The following ADARB2 variants were observed in gnomAD, a reference collection of about 807,000 sequenced individuals.
ADARB2 encodes the protein adenosine deaminase RNA specific B2 (inactive).
In ADARB2, 25 loss-of-function variants were observed where a neutral mutation model predicts 62.2. The ratio of observed to expected loss-of-function variants is 0.40; its 90% confidence interval spans 0.29 to 0.56. ADARB2 has a LOEUF of 0.56. ADARB2 is among the 20% of genes least tolerant of loss of function. The pLI is 0.43. For synonymous variants in ADARB2, 572 were observed against 500.8 expected (o/e 1.14, Z -1.90); for missense variants, 1,071 against 1,077.4 (o/e 0.99, Z 0.08).
chr10:1,471,281 G>T (rs564091330), intron 1 of ADARB2, among the ~76,000 whole-genome samples: 2 of 152,318 alleles, frequency 1.3e-5, no homozygotes, highest in South Asian at 2.1e-4. Context: ...AAGCTCCACA[G>T]AGCAAGTAGA....
At chr10:1,328,077 A>G (rs565726999) in intron 3 of ADARB2, among the ~76,000 whole-genome samples, 8 of 109,390 alleles carry the variant, frequency 7.3e-5, no homozygotes, top group Non-Finnish European at 1.5e-4. Context: ...GCCTTACAGT[A>G]ACCCAGTCGG....
At chr10:1,602,127 C>T (rs1358502954) in intron 1 of ADARB2, among the ~76,000 whole-genome samples, 4 of 152,280 alleles carry the variant, frequency 2.6e-5, no homozygotes, top group African/African-American at 4.8e-5. Flanking sequence ...TACCACCCAG[C>T]GATGGCTGGC....
intron 1 of ADARB2, among the ~76,000 whole-genome samples, chr10:1,689,722 A>T (rs961443477): frequency 1.3e-5 from 2 of 152,186 alleles, no homozygotes; most frequent in Admixed American, 1.3e-4. Context: ...TGCAATAAAC[A>T]TCCTTATTCA....
In ADARB2 at chr10:1,327,038, T is replaced by TCCCCACG. The variant is rs1831863191; in HGVS notation, c.1077+35989_1077+35990insCGTGGGG. On this transcript the variant is annotated intron_variant, in intron 3 of 9. Transcript: ENST00000381312. Reference sequence around the variant, plus strand: ...TCCCCACGGCACAGCGCCTCCCCACTGCCCAGCGCCTCCCCACTGCCCAGC... The same window carrying TCCCCACG: ...TCCCCACGGCACAGCGCCTCCCCACTCCCCACGGCCCAGCGCCTCCCCACTGCCCAGC... Among the ~76,000 whole-genome samples the TCCCCACG allele has an allele frequency of 2.3e-4, 3 of 13,212 alleles. 1 individual carries two copies. The highest frequency in any genetic ancestry group is 7.3e-4 in the Admixed American group (1 of 1,368). 8.7% of individuals were successfully genotyped at this position (13,212 alleles called of 152,430 possible). A position where few individuals can be genotyped will look rare whatever the true frequency, so the allele number is the denominator to read the frequency against.
rs1400801625 is a variant in ADARB2, at chr10:1,704,416, C to G, written c.100+32635G>C. Among the ~76,000 whole-genome samples the G allele has an allele frequency of 6.6e-6, 1 of 152,186 alleles. No individual in the cohort carries two copies. The highest frequency in any genetic ancestry group is 2.4e-5 in the African/African-American group (1 of 41,454). On this transcript the variant is annotated intron_variant, in intron 1 of 9. Transcript: ENST00000381312. This position sits in a 1 kb window ranked among gnomAD's most constrained non-coding sequence, Gnocchi z 5.6. The stretch of plus-strand genomic sequence containing the variant: ...CAGGCATTAGATTTTCATAAGGAGT[C>G]TGCAACCTGGATCCCTTACAAGCAC...
At position 1,288,203 on chromosome 10, in the gene ADARB2, C is replaced by T. The variant is rs1278933067; in HGVS notation, c.1078-17134G>A. 3.3e-5 allele frequency among the ~76,000 whole-genome samples: 5 copies of T among 152,210 alleles called. No homozygotes were observed. In the East Asian group the frequency reaches 5.8e-4, roughly 18 times the overall value. ...TCAAGCATTTCTGCTTTTATTTCACCCCCATCCCTGTCCCTCGGGGAAAAG... is the reference window on the plus strand; with the variant it reads ...TCAAGCATTTCTGCTTTTATTTCACTCCCATCCCTGTCCCTCGGGGAAAAG... On this transcript the variant is annotated intron_variant, in intron 3 of 9. Coordinates refer to ENST00000381312, the MANE Select transcript of ADARB2 (RefSeq NM_018702.4).
Position 1,259,800 on chromosome 10 carries a change from G to T in ADARB2, c.1192+11155C>A, listed in dbSNP as rs11250364. ...AGGGACTCCTCCCTAACTCATTTTAGGAGGCCAGCATCATCCTGATACCAA... is the reference window on the plus strand; with the variant it reads ...AGGGACTCCTCCCTAACTCATTTTATGAGGCCAGCATCATCCTGATACCAA... On this transcript the variant is annotated intron_variant, in intron 4 of 9. Coordinates refer to ENST00000381312, the MANE Select transcript of ADARB2 (RefSeq NM_018702.4). Among the ~76,000 whole-genome samples the T allele has an allele frequency of 3.9e-4, 60 of 152,106 alleles. No individual in the cohort carries two copies. The East Asian group carries it at 6.0e-3, about 15-fold the overall frequency.
intron 1 of ADARB2, among the ~76,000 whole-genome samples, chr10:1,722,938 TAC>T (rs763305219): frequency 2.0e-4 from 30 of 152,194 alleles, no homozygotes; most frequent in South Asian, 1.2e-3. Context: ...TATACATGTG[TAC>T]ACACACACAT....
rs1276363289 is a variant in ADARB2 at position 1,398,878 on chromosome 10, C to T, written c.101-19718G>A. 6.6e-6 allele frequency among the ~76,000 whole-genome samples: 1 copy of T among 152,170 alleles called. No individual in the cohort carries two copies. The highest frequency in any genetic ancestry group is 1.5e-5 in the Non-Finnish European group (1 of 68,040). ...AGGTTGCTGGGGGAAACAGACCGCT[C>T]TGTCTTTGGGGTCTTGATGGGTAGA... On this transcript the variant is annotated intron_variant, in intron 1 of 9. Coordinates refer to ENST00000381312, the MANE Select transcript of ADARB2 (RefSeq NM_018702.4). The surrounding 1 kb of genome is among the most constrained non-coding windows in gnomAD (Gnocchi z 4.1).
intron 1 of ADARB2, among the ~76,000 whole-genome samples, chr10:1,687,841 A>G (rs764139586): frequency 9.2e-5 from 14 of 151,978 alleles, no homozygotes; most frequent in Non-Finnish European, 2.1e-4. Flanking sequence ...ATGTGCCTCC[A>G]CTCCTTTCCA....
intron 3 of ADARB2, among the ~76,000 whole-genome samples, chr10:1,298,276 T>C (rs968478459): frequency 6.6e-6 from 1 of 152,216 alleles, no homozygotes; most frequent in African/African-American, 2.4e-5. Context: ...ACAATGGCTT[T>C]GTAAACACAG....
intron 1 of ADARB2, among the ~76,000 whole-genome samples, chr10:1,722,510 C>G (rs1835105438): frequency 6.6e-6 from 1 of 152,186 alleles, no homozygotes; most frequent in Non-Finnish European, 1.5e-5. Context: ...AATCTACATG[C>G]CCGGTAACCC....
chr10:1,496,383 T>A (rs1467691129), intron 1 of ADARB2, among the ~76,000 whole-genome samples: 1 of 152,030 alleles, frequency 6.6e-6, no homozygotes, highest in African/African-American at 2.4e-5. Context: ...ATCGTCATCA[T>A]CACCATCATT....
chr10:1,183,584 A>G (rs1453012037), intron 9 of ADARB2, among the ~76,000 whole-genome samples: 1 of 152,232 alleles, frequency 6.6e-6, no homozygotes, highest in Non-Finnish European at 1.5e-5. Context: ...TGAATGATGA[A>G]TGAGCGGATA....
intron 3 of ADARB2, among the ~76,000 whole-genome samples, chr10:1,272,695 T>C (rs1047944087): frequency 2.6e-5 from 4 of 152,238 alleles, no homozygotes; most frequent in Admixed American, 6.5e-5. Flanking sequence ...CCTGGAGTCT[T>C]CCTGGGTGCT....
At chr10:1,344,071 A>T (rs1832056384) in intron 3 of ADARB2, among the ~76,000 whole-genome samples, 1 of 152,196 alleles carries the variant, frequency 6.6e-6, no homozygotes, top group African/African-American at 2.4e-5. Flanking sequence ...TGTGTGATTG[A>T]GCAGGGCTGG....
chr10:1,263,840 A>G lies in ADARB2; in HGVS notation c.1192+7115T>C, dbSNP rs1033154802. Among the ~76,000 whole-genome samples, 12 of 152,344 alleles carry G rather than the reference A, an allele frequency of 7.9e-5. No individual in the cohort carries two copies. In the East Asian group the frequency reaches 2.3e-3, roughly 29 times the overall value. On this transcript the variant is annotated intron_variant, in intron 4 of 9. Coordinates refer to ENST00000381312, the MANE Select transcript of ADARB2 (RefSeq NM_018702.4). ...CTAAACTATTTAAATGAGCCAGGCT[A>G]AACTATTTAAATGTTCGGGTGGAAC... is the stretch of plus-strand genomic sequence containing the variant.
At chr10:1,407,108 G>A (rs7086397) in intron 1 of ADARB2, among the ~76,000 whole-genome samples, 1,617 of 152,312 alleles carry the variant, frequency 0.011, 28 homozygotes, top group African/African-American at 0.037. Flanking sequence ...TTTTATGCAG[G>A]TGCTTACAAA....
intron 3 of ADARB2, among the ~76,000 whole-genome samples, chr10:1,351,261 G>A (rs933491525): frequency 7.9e-5 from 12 of 152,176 alleles, no homozygotes; most frequent in African/African-American, 1.7e-4. Flanking sequence ...GGACCATCAC[G>A]GATGCTGAGC....
Sources: allele counts gnomAD v4.1 joint callset (sites outside exome capture counted in the v4.1 genomes callset), GRCh38; gene constraint gnomAD v4.1.1; non-coding constraint Gnocchi (gnomAD v3.1); transcripts MANE v1.5; gene names NCBI Gene and HGNC (gene_info 2026-07-23, HGNC 2026-07-21).